Variants in ZC3H12B observed in about 807,000 individuals in gnomAD.
The protein encoded by ZC3H12B is zinc finger CCCH-type containing 12B, also known as probable ribonuclease ZC3H12B.
Under a neutral mutation model 43.9 loss-of-function variants are expected in ZC3H12B, and 7 were observed. That is an observed-to-expected ratio of 0.16 (90% confidence interval 0.09 to 0.30). ZC3H12B has a LOEUF of 0.30. Among genes scored for constraint, ZC3H12B ranks in the 10% least tolerant of loss-of-function variants. ZC3H12B has a pLI of 1.00. For synonymous variants in ZC3H12B, 222 were observed against 241.7 expected, an observed-to-expected ratio of 0.92 and a Z score of 0.76; for missense variants, 475 against 670.2, an observed-to-expected ratio of 0.71 and a Z score of 3.22.
At chrX:65,148,693 G>A in the ZC3H12B span, among the ~76,000 whole-genome samples, 1 of 111,668 alleles carries the variant, frequency 9.0e-6, no homozygotes, top group African/African-American at 3.3e-5. Flanking sequence ...GGTTTGGGGA[G>A]GGATTACATG....
chrX:65,251,270 G>A, the ZC3H12B span, among the ~76,000 whole-genome samples: 5 of 111,306 alleles, frequency 4.5e-5, no homozygotes, highest in African/African-American at 6.5e-5. Flanking sequence ...TTATTTCTGA[G>A]GGCTCTGTTC....
intron 3 of ZC3H12B, chrX:65,470,381 C>G (rs79424367): frequency 0.05 from 1 of 20 alleles, no homozygotes; most frequent in South Asian, 1. Flanking sequence ...TTCCTACCAA[C>G]CAGAAAGGGA....
the ZC3H12B span, among the ~76,000 whole-genome samples, chrX:65,152,162 A>C: frequency 1.8e-5 from 2 of 111,675 alleles, no homozygotes; most frequent in Non-Finnish European, 3.8e-5. Context: ...TTCCCTTTGA[A>C]AACTGGCACA....
intron 1 of ZC3H12B, among the ~76,000 whole-genome samples, chrX:65,493,101 C>A (rs972568497): frequency 4.5e-5 from 5 of 110,028 alleles, no homozygotes; most frequent in Middle Eastern, 4.7e-3. Context: ...AAGACCCTGT[C>A]TCCAAAAATA....
At chrX:65,421,913 A>G (rs1315350744) in intron 3 of ZC3H12B, among the ~76,000 whole-genome samples, 11 of 105,314 alleles carry the variant, frequency 1.0e-4, no homozygotes, top group African/African-American at 3.9e-4. Context: ...GTGCCACTGC[A>G]CTCCAGCCTG....
the ZC3H12B span, among the ~76,000 whole-genome samples, chrX:65,228,231 A>G: frequency 1.8e-5 from 2 of 112,194 alleles, no homozygotes; most frequent in African/African-American, 3.2e-5. Flanking sequence ...GGTTCAATAT[A>G]CACAAATCAA....
chrX:65,202,336 A>T, the ZC3H12B span, among the ~76,000 whole-genome samples: 1 of 106,904 alleles, frequency 9.4e-6, no homozygotes, highest in African/African-American at 3.4e-5. Flanking sequence ...AATTTATTTT[A>T]GTTTTCACTG....
At chrX:65,252,798 G>C in the ZC3H12B span, among the ~76,000 whole-genome samples, 4 of 112,005 alleles carry the variant, frequency 3.6e-5, no homozygotes, top group Non-Finnish European at 5.6e-5. Flanking sequence ...TGTTTTAGGA[G>C]AAAGTTCAGA....
At chrX:65,236,417 G>A in the ZC3H12B span, among the ~76,000 whole-genome samples, 1 of 111,000 alleles carries the variant, frequency 9.0e-6, no homozygotes, top group Non-Finnish European at 1.9e-5. Context: ...TTTTATATTT[G>A]TTTAAATTCC....
intron 3 of ZC3H12B, among the ~76,000 whole-genome samples, chrX:65,475,875 G>A (rs1301957963): frequency 8.9e-6 from 1 of 111,886 alleles, no homozygotes; most frequent in Non-Finnish European, 1.9e-5. Flanking sequence ...ACCTCCCACT[G>A]GGTCCCTCCC....
chrX:65,109,106 T>G, the ZC3H12B span, among the ~76,000 whole-genome samples: 1 of 111,641 alleles, frequency 9.0e-6, no homozygotes, highest in Admixed American at 9.5e-5. Flanking sequence ...CTTCAGTATA[T>G]TCCTAGAGTA....
At chrX:65,072,142 A>G in the ZC3H12B span, among the ~76,000 whole-genome samples, 1 of 111,500 alleles carries the variant, frequency 9.0e-6, no homozygotes, top group Non-Finnish European at 1.9e-5. Context: ...GGTTTTGTTC[A>G]TTCCTTTTCA....
At chrX:65,238,436 G>T in the ZC3H12B span, among the ~76,000 whole-genome samples, 1 of 111,664 alleles carries the variant, frequency 9.0e-6, no homozygotes, top group Non-Finnish European at 1.9e-5. Flanking sequence ...GGAGTCAGTG[G>T]TGATATCTCC....
chrX:65,317,196 A>G, the ZC3H12B span, among the ~76,000 whole-genome samples: 2 of 110,265 alleles, frequency 1.8e-5, no homozygotes, highest in African/African-American at 6.6e-5. Flanking sequence ...GTAGTAGAGC[A>G]CATGGCATAT....
the ZC3H12B span, among the ~76,000 whole-genome samples, chrX:65,343,923 A>G: frequency 8.9e-6 from 1 of 112,240 alleles, no homozygotes; most frequent in Non-Finnish European, 1.9e-5. Flanking sequence ...CATCTACAAC[A>G]TCCCAATCCC....
the ZC3H12B span, among the ~76,000 whole-genome samples, chrX:65,211,923 A>C: frequency 2.7e-4 from 20 of 73,762 alleles, no homozygotes; most frequent in African/African-American, 1.0e-3. Context: ...ATACTATATA[A>C]TATATAATAT....
the ZC3H12B span, among the ~76,000 whole-genome samples, chrX:65,245,287 T>G: frequency 4.7e-4 from 52 of 111,820 alleles, no homozygotes; most frequent in African/African-American, 1.6e-3. Context: ...GGACCATTCC[T>G]ACTGAAACTA....
At chrX:65,229,169 C>G in the ZC3H12B span, among the ~76,000 whole-genome samples, 2 of 110,987 alleles carry the variant, frequency 1.8e-5, no homozygotes, top group South Asian at 7.7e-4. Context: ...CAGCATGGTA[C>G]TGGTACCAAA....
At chrX:65,449,877 A>G (rs1051184092) in intron 3 of ZC3H12B, among the ~76,000 whole-genome samples, 3 of 111,339 alleles carry the variant, frequency 2.7e-5, no homozygotes, top group African/African-American at 9.8e-5. Context: ...GGGGACTAAC[A>G]GATAAAAAAC....
Sources: gnomAD v4.1 joint callset for allele counts (sites outside exome capture counted in the v4.1 genomes callset) on GRCh38, gnomAD v4.1.1 for gene constraint, MANE v1.5 for transcripts, NCBI Gene and HGNC (gene_info 2026-07-23, HGNC 2026-07-21) for gene names.